The following KALRN variants were observed in gnomAD, a reference collection of about 807,000 sequenced individuals.
The protein encoded by KALRN is kalirin RhoGEF kinase, also known as kalirin.
A neutral mutation model predicts 353.7 loss-of-function variants in KALRN; 70 were observed. The observed-to-expected ratio is 0.20, with a 90% CI of 0.16 to 0.24. The LOEUF (loss-of-function observed/expected upper bound fraction) is 0.24, where lower values mean the gene tolerates loss of function less well. KALRN is among the 10% of genes least tolerant of loss of function. KALRN has a pLI of 1.00. For synonymous variants in KALRN, 1,391 were observed against 1,434.8 expected, an observed-to-expected ratio of 0.97 and a Z score of 0.69; for missense variants, 2,791 against 3,756.7, an observed-to-expected ratio of 0.74 and a Z score of 6.72.
rs1422971968 is a variant in KALRN at position 124,384,981 on chromosome 3, A to G, written c.1907A>G (p.Glu636Gly). The G allele has an allele frequency of 5.6e-6, 9 of 1,613,662 alleles. No individual in the cohort carries two copies. Among genetic ancestry groups the G allele is most frequent in the Non-Finnish European group, 7.6e-6 (9 of 1,179,786 alleles). ...VRIQDFVRRV[E>G]QRKLLLDMSV... Reference sequence around the variant, plus strand: ...ATCCAAGACTTCGTGCGCAGGGTGGAGCAGCGGAAGCTTCTCCTGGACATG... The same window carrying G: ...ATCCAAGACTTCGTGCGCAGGGTGGGGCAGCGGAAGCTTCTCCTGGACATG... Residue 636 changes from glutamate (E) to glycine (G), a missense_variant, in exon 11 of 60, where the codon GAG becomes GGG. Coordinates refer to ENST00000682506, the MANE Select transcript of KALRN (RefSeq NM_001388419.1).
intron 11 of KALRN, among the ~76,000 whole-genome samples, chr3:124,385,411 T>G (rs2088098881): frequency 6.6e-6 from 1 of 152,228 alleles, no homozygotes; most frequent in South Asian, 2.1e-4. Flanking sequence ...TCTTGGTTGC[T>G]GTTTCCTGTC....
intron 1 of KALRN, among the ~76,000 whole-genome samples, chr3:124,134,036 A>G (rs2065626903): frequency 1.3e-5 from 2 of 152,186 alleles, no homozygotes; most frequent in Admixed American, 1.3e-4. Flanking sequence ...CAATTCTAAA[A>G]TTCATTTGGA....
At chr3:124,157,107 A>G (rs2069113912) in intron 1 of KALRN, among the ~76,000 whole-genome samples, 1 of 152,236 alleles carries the variant, frequency 6.6e-6, no homozygotes, top group African/African-American at 2.4e-5. Flanking sequence ...TTTCATGACT[A>G]CATAATATTG....
At chr3:124,620,004 C>G (rs1192104933) in intron 34 of KALRN, among the ~76,000 whole-genome samples, 4 of 151,726 alleles carry the variant, frequency 2.6e-5, no homozygotes, top group Non-Finnish European at 4.4e-5. Context: ...CAATGAAAGG[C>G]CTGTATTTTA....
chr3:124,121,093 C>CAAAAA (rs35883031), intron 1 of KALRN, among the ~76,000 whole-genome samples: 33 of 75,018 alleles, frequency 4.4e-4, no homozygotes, highest in Non-Finnish European at 5.5e-4. Flanking sequence ...GACTCCATCT[C>CAAAAA]AAAAAAAAAA....
At chr3:124,182,081 G>A (rs1560167140) in intron 1 of KALRN, among the ~76,000 whole-genome samples, 1 of 152,212 alleles carries the variant, frequency 6.6e-6, no homozygotes, top group East Asian at 1.9e-4. Flanking sequence ...AAATACAAAC[G>A]TGGATGCTGG....
intron 33 of KALRN, among the ~76,000 whole-genome samples, chr3:124,515,811 C>A (rs1049507017): frequency 6.6e-6 from 1 of 152,184 alleles, no homozygotes; most frequent in Non-Finnish European, 1.5e-5. Context: ...TCAATAATGT[C>A]ATGAATGACT....
rs1210458122 is a variant in KALRN at position 124,110,467 on chromosome 3, GCGCA to G, written c.73+76656_73+76659del. 7.9e-3 allele frequency among the ~76,000 whole-genome samples: 430 copies of G among 54,234 alleles called. 8 individuals carry two copies. The highest frequency in any genetic ancestry group is 0.015 in the African/African-American group (384 of 25,164). The allele number at this position is 54,234 out of a possible 152,430, so 35.6% of individuals were successfully genotyped here. A position where few individuals can be genotyped will look rare whatever the true frequency, so the allele number is the denominator to read the frequency against. ...GTATATATTTCATATATACACACGCGCGCACACACACACACACACACACACACAC... is the reference window on the plus strand; with the variant it reads ...GTATATATTTCATATATACACACGCGCACACACACACACACACACACACAC... On this transcript the variant is annotated intron_variant, in intron 1 of 59. Coordinates refer to ENST00000682506, the MANE Select transcript of KALRN (RefSeq NM_001388419.1).
chr3:124,550,003 A>G (rs142029490), intron 33 of KALRN, among the ~76,000 whole-genome samples: 1 of 152,326 alleles, frequency 6.6e-6, no homozygotes, highest in African/African-American at 2.4e-5. Context: ...GGCAGAGCCC[A>G]TGTAAATTCT....
At chr3:124,095,654 A>G (rs1248568136) in intron 1 of KALRN, 5 of 152,222 alleles carry the variant, frequency 3.3e-5, no homozygotes, top group African/African-American at 7.2e-5. Context: ...ACCTTAATAC[A>G]TTTTATCAAA....
intron 51 of KALRN, among the ~76,000 whole-genome samples, chr3:124,684,796 T>C (rs1501187): frequency 0.43 from 65,452 of 151,994 alleles, 14,931 homozygotes; most frequent in African/African-American, 0.59. Context: ...CAGATTTCCT[T>C]CTGAGACTCA....
chr3:124,422,706 T>C, intron 14 of KALRN, 106 bp from the exon 15 acceptor site: 1 of 891,620 alleles, frequency 1.1e-6, no homozygotes, highest in African/African-American at 1.7e-5. Flanking sequence ...TGGGAGGGTA[T>C]GAATAATGGC....
chr3:124,626,129 A>G (rs1440063219), intron 34 of KALRN, among the ~76,000 whole-genome samples: 4 of 152,364 alleles, frequency 2.6e-5, no homozygotes, highest in Middle Eastern at 3.4e-3. Flanking sequence ...ATGTATGAAC[A>G]TGAATAAATC....
intron 51 of KALRN, among the ~76,000 whole-genome samples, chr3:124,693,564 C>T (rs1017592397): frequency 1.3e-5 from 2 of 152,102 alleles, no homozygotes; most frequent in African/African-American, 4.8e-5. Context: ...CTGCCTGGGG[C>T]CGCACGCTGC....
intron 15 of KALRN, among the ~76,000 whole-genome samples, chr3:124,424,884 G>C (rs1453839360): frequency 6.6e-6 from 1 of 152,152 alleles, no homozygotes; most frequent in African/African-American, 2.4e-5. Context: ...TGGGGTTAGT[G>C]CTCCCCAAGG....
chr3:124,172,667 A>T lies in KALRN; in HGVS notation c.74-55323A>T, dbSNP rs540243055. Among the ~76,000 whole-genome samples, 11 of 152,070 alleles carry T rather than the reference A, an allele frequency of 7.2e-5. No individual in the cohort carries two copies. The East Asian group carries it at 2.1e-3, about 30-fold the overall frequency. On this transcript the variant is annotated intron_variant, in intron 1 of 59. Transcript: ENST00000682506. ...AATTTGCCAGGGGCGCCCCTGGAAC[A>T]TAGAGAGTTCCTGGGCCTGTGTAGG...
At chr3:124,281,262 T>C (rs960518235) in intron 5 of KALRN, among the ~76,000 whole-genome samples, 1 of 152,188 alleles carries the variant, frequency 6.6e-6, no homozygotes, top group African/African-American at 2.4e-5. Flanking sequence ...ACTGCTGATG[T>C]GGTGAGAAGA....
chr3:124,278,488 T>TGTGG (rs1390814776), intron 5 of KALRN, among the ~76,000 whole-genome samples: 12 of 148,408 alleles, frequency 8.1e-5, no homozygotes, highest in Middle Eastern at 3.5e-3. Context: ...TGTGTGTGTG[T>TGTGG]GGTGCAGGGC....
intron 1 of KALRN, among the ~76,000 whole-genome samples, chr3:124,223,039 C>T (rs1450506462): frequency 6.7e-6 from 1 of 150,190 alleles, no homozygotes; most frequent in Non-Finnish European, 1.5e-5. Flanking sequence ...TAGGACTCAT[C>T]TTTAAGAAGC....
Sources: allele counts gnomAD v4.1 joint callset (sites outside exome capture counted in the v4.1 genomes callset), GRCh38; gene constraint gnomAD v4.1.1; transcripts MANE v1.5; gene names NCBI Gene and HGNC (gene_info 2026-07-23, HGNC 2026-07-21).